Variants in INSR observed in about 807,000 individuals in gnomAD.
INSR encodes insulin receptor.
INSR carries 67 observed loss-of-function variants against 142.6 expected under a neutral mutation model. The observed-to-expected ratio is 0.47, with a 90% CI of 0.39 to 0.58. The LOEUF is 0.58. Ranked by LOEUF, INSR falls within the 20% of genes least tolerant of loss-of-function variation. The pLI is 0.00. For missense variants in INSR, 1,248 were observed against 1,833.2 expected (o/e 0.68, Z 5.83); for synonymous variants, 756 against 743.1 (o/e 1.02, Z -0.28).
At chr19:7,277,743 G>C (rs910291935) in intron 1 of INSR, among the ~76,000 whole-genome samples, 1 of 152,090 alleles carries the variant, frequency 6.6e-6, no homozygotes, top group African/African-American at 2.4e-5. Context: ...GCTGCAGTGA[G>C]CTATGACTGC....
At chr19:7,287,732 C>T (rs1018164998) in intron 1 of INSR, among the ~76,000 whole-genome samples, 5 of 152,122 alleles carry the variant, frequency 3.3e-5, no homozygotes, top group South Asian at 2.1e-4. Context: ...AAAGACATAG[C>T]GTTTCATTTC....
intron 1 of INSR, among the ~76,000 whole-genome samples, chr19:7,270,339 TCACA>T (rs1178953100): frequency 0.074 from 8,915 of 119,930 alleles, 364 homozygotes; most frequent in Middle Eastern, 0.11. Flanking sequence ...TCTCTCTCTC[TCACA>T]CACACACACA....
rs368658253 is a variant in INSR, at chr19:7,183,176, C to T, written c.974+1140G>A. Among the ~76,000 whole-genome samples the T allele has an allele frequency of 3.9e-5, 6 of 151,996 alleles. No homozygotes were observed. The East Asian group carries it at 1.2e-3, about 29-fold the overall frequency. ...ACTCTCGCTTGGCTAATTCTCAAGTCTGAAGAGGAAGATACTTTACGTAAG... is the reference window on the plus strand; with the variant it reads ...ACTCTCGCTTGGCTAATTCTCAAGTTTGAAGAGGAAGATACTTTACGTAAG... On this transcript the variant is annotated intron_variant, in intron 3 of 21. Coordinates refer to ENST00000302850, the MANE Select transcript of INSR (RefSeq NM_000208.4).
rs1315453446 is a variant in INSR, at chr19:7,168,778, T to A, written c.1484-684A>T. Among the ~76,000 whole-genome samples the A allele has an allele frequency of 6.6e-6, 1 of 151,810 alleles. No homozygotes were observed. The highest frequency in any genetic ancestry group is 1.5e-5 in the Non-Finnish European group (1 of 67,942). On this transcript the variant is annotated intron_variant, in intron 6 of 21. Coordinates refer to ENST00000302850, the MANE Select transcript of INSR (RefSeq NM_000208.4). The surrounding 1 kb of genome is among the most constrained non-coding windows in gnomAD (Gnocchi z 4.3). ...CGTCCAGCTAGTTTTTGTATTTTTTTTTTTTAGTAGAGATGGAGTTTCACC... is the reference window on the plus strand; with the variant it reads ...CGTCCAGCTAGTTTTTGTATTTTTTATTTTTAGTAGAGATGGAGTTTCACC...
intron 1 of INSR, among the ~76,000 whole-genome samples, chr19:7,283,607 T>C (rs768851523): frequency 9.2e-5 from 14 of 152,088 alleles, no homozygotes; most frequent in Non-Finnish European, 1.8e-4. Context: ...GCTCGGCTAA[T>C]TTTTGTATTT....
intron 17 of INSR, among the ~76,000 whole-genome samples, chr19:7,123,649 G>T (rs1034136443): frequency 6.6e-6 from 1 of 152,264 alleles, no homozygotes; most frequent in East Asian, 1.9e-4. Flanking sequence ...TCAGCTGGGG[G>T]TGGTGGCTTA....
At chr19:7,148,017 G>A (rs1327358130) in intron 11 of INSR, among the ~76,000 whole-genome samples, 3 of 152,024 alleles carry the variant, frequency 2.0e-5, no homozygotes, top group African/African-American at 4.8e-5. Context: ...GGGTTCAAGC[G>A]ATTCTCCTGC....
intron 2 of INSR, among the ~76,000 whole-genome samples, chr19:7,197,979 T>G (rs1312201914): frequency 1.5e-4 from 20 of 133,156 alleles, no homozygotes; most frequent in East Asian, 2.3e-4. Context: ...TGTGTCCCCA[T>G]GGTGGGAGTG....
intron 15 of INSR, among the ~76,000 whole-genome samples, chr19:7,128,135 T>A (rs1279976490): frequency 6.6e-6 from 1 of 152,146 alleles, no homozygotes. Flanking sequence ...TTCTGATATT[T>A]AAAAATTACC....
chr19:7,220,004 T>C (rs1975564370), intron 2 of INSR, among the ~76,000 whole-genome samples: 1 of 152,156 alleles, frequency 6.6e-6, no homozygotes, highest in Admixed American at 6.6e-5. Context: ...GAACCAATCA[T>C]GGAGGCTGGA....
chr19:7,265,378 G>A (rs940497308), intron 2 of INSR, among the ~76,000 whole-genome samples: 4 of 152,126 alleles, frequency 2.6e-5, no homozygotes, highest in African/African-American at 7.2e-5. Context: ...GGAGAGAAAC[G>A]AAACGCCCGT....
intron 19 of INSR, among the ~76,000 whole-genome samples, chr19:7,122,148 AAG>A (rs1206900217): frequency 1.3e-5 from 2 of 150,826 alleles, no homozygotes; most frequent in Non-Finnish European, 3.0e-5. Flanking sequence ...TGTCAGAAAA[AAG>A]AAAAAAAAAA....
rs187609433 is a variant in INSR at position 7,144,851 on chromosome 19, T to A, written c.2268-1761A>T. On this transcript the variant is annotated intron_variant, in intron 11 of 21. Coordinates refer to ENST00000302850, the MANE Select transcript of INSR (RefSeq NM_000208.4). ...AAGCTTCTTAATACCTACAGCTAAA[T>A]GGTTGTCCAGAAACTCTATATTGAC... Among the ~76,000 whole-genome samples the A allele has an allele frequency of 2.6e-5, 4 of 152,224 alleles. No homozygotes were observed. The East Asian group carries it at 7.7e-4, about 29-fold the overall frequency.
chr19:7,117,413 G>A lies in INSR; in HGVS notation c.3795-3C>T, dbSNP rs769814558. 6 of 1,610,118 alleles carry A rather than the reference G, an allele frequency of 3.7e-6. No homozygotes were observed. The highest frequency in any genetic ancestry group is 1.1e-5 in the South Asian group (1 of 90,876). On this transcript the variant is annotated splice_polypyrimidine_tract_variant and splice_region_variant and intron_variant, in intron 21 of 21. Transcript: ENST00000302850. The stretch of plus-strand genomic sequence containing the variant: ...AGCACATGCGCATGAGGTCAGTGCT[G>A]CGGGGCAGAAGGACACGTCCTGGGT...
rs751748857 is a variant in INSR, at chr19:7,172,300, A to G, written c.1258T>C (p.Leu420=). 6.2e-7 allele frequency: 1 copy of G among 1,614,066 alleles called. No homozygotes were observed. Among genetic ancestry groups the G allele is most frequent in the East Asian group, 2.2e-5 (1 of 44,876 alleles). ...ATCAGGCCCACGTACCCAATTTCCA[A>G]GGTCTCTCCTCGAATCAGACGTAAC... The part of the protein sequence containing the change: ...RKLRLIRGET[L]EIGNYSFYAL... Residue 420 remains leucine (L), a synonymous_variant, in exon 5 of 22, where the codon TTG becomes CTG. Coordinates refer to ENST00000302850, the MANE Select transcript of INSR (RefSeq NM_000208.4).
At chr19:7,184,275 TCTC>T (rs745822122) in intron 3 of INSR, 38 bp downstream of exon 3, 3 of 1,578,390 alleles carry the variant, frequency 1.9e-6, no homozygotes, top group African/African-American at 1.3e-5. Flanking sequence ...CCACGTTCCT[TCTC>T]CTCTCGGCTG....
At chr19:7,147,180 C>CT (rs775052375) in intron 11 of INSR, among the ~76,000 whole-genome samples, 109 of 144,984 alleles carry the variant, frequency 7.5e-4, no homozygotes, top group African/African-American at 9.3e-4. Flanking sequence ...AACTTTTTAA[C>CT]TTTTTTTTTT....
intron 1 of INSR, among the ~76,000 whole-genome samples, chr19:7,284,780 G>A (rs577340634): frequency 2.2e-4 from 33 of 152,180 alleles, no homozygotes; most frequent in East Asian, 3.9e-4. Context: ...CACTCGCCTC[G>A]GACTCCCAAA....
rs1975421991 is a variant in INSR at position 7,216,001 on chromosome 19, G to A, written c.653-31364C>T. On this transcript the variant is annotated intron_variant, in intron 2 of 21. Transcript: ENST00000302850. This position sits in a 1 kb window ranked among gnomAD's most constrained non-coding sequence, Gnocchi z 4.2. Reference sequence around the variant, plus strand: ...AATTGAAACAGGTTCCTAATCTCATGGTCTCACCTGAGGGAAAAGTGGCTA... The same window carrying A: ...AATTGAAACAGGTTCCTAATCTCATAGTCTCACCTGAGGGAAAAGTGGCTA... Among the ~76,000 whole-genome samples, 2 of 152,086 alleles carry A rather than the reference G, an allele frequency of 1.3e-5. No individual in the cohort carries two copies. The highest frequency in any genetic ancestry group is 6.6e-5 in the Admixed American group (1 of 15,262).
Sources: allele counts gnomAD v4.1 joint callset (sites outside exome capture counted in the v4.1 genomes callset), GRCh38; gene constraint gnomAD v4.1.1; non-coding constraint Gnocchi (gnomAD v3.1); transcripts MANE v1.5; gene names NCBI Gene and HGNC (gene_info 2026-07-23, HGNC 2026-07-21).